GRIK4: variants seen among roughly 807,000 people sequenced by gnomAD.
GRIK4 encodes the protein glutamate ionotropic receptor kainate type subunit 4.
GRIK4 carries 40 observed loss-of-function variants against 104.9 expected under a neutral mutation model. The observed-to-expected ratio is 0.38, with a 90% CI of 0.30 to 0.50. The LOEUF is 0.50. GRIK4 is among the 20% of genes least tolerant of loss of function. GRIK4 has a pLI of 0.93. For missense variants in GRIK4, 1,047 were observed against 1,308.1 expected, an observed-to-expected ratio of 0.80 and a Z score of 3.08; for synonymous variants, 485 against 524.9, an observed-to-expected ratio of 0.92 and a Z score of 1.04.
intron 3 of GRIK4, among the ~76,000 whole-genome samples, chr11:120,757,209 G>A (rs1418769839): frequency 6.6e-6 from 1 of 152,198 alleles, no homozygotes; most frequent in African/African-American, 2.4e-5. Flanking sequence ...AGCCTCTAGG[G>A]AGATAAAAAT....
chr11:120,947,214 C>T (rs1943881222), intron 14 of GRIK4, among the ~76,000 whole-genome samples: 1 of 152,030 alleles, frequency 6.6e-6, no homozygotes, highest in African/African-American at 2.4e-5. Context: ...CCAGCCTGAC[C>T]AACATGGTGA....
chr11:120,630,897 G>A (rs1949325145), intron 1 of GRIK4, among the ~76,000 whole-genome samples: 1 of 152,162 alleles, frequency 6.6e-6, no homozygotes, highest in Non-Finnish European at 1.5e-5. Context: ...TCTGTAAAAT[G>A]AGAAAGTGTA....
At chr11:120,628,625 G>C (rs996741015) in intron 1 of GRIK4, among the ~76,000 whole-genome samples, 3 of 152,148 alleles carry the variant, frequency 2.0e-5, no homozygotes, top group Admixed American at 6.5e-5. Flanking sequence ...TGCCTCCCTG[G>C]GGTCCTGGCC....
At chr11:120,678,930 G>GT (rs1304737538) in intron 3 of GRIK4, among the ~76,000 whole-genome samples, 1 of 128,220 alleles carries the variant, frequency 7.8e-6, no homozygotes, top group African/African-American at 2.8e-5. Context: ...ACCACGCCTG[G>GT]CCTGGTTTTT....
chr11:120,587,871 TG>T (rs537440376), intron 1 of GRIK4, among the ~76,000 whole-genome samples: 3 of 152,272 alleles, frequency 2.0e-5, no homozygotes, highest in Admixed American at 2.0e-4. Context: ...AGCAGGGCCT[TG>T]TTGGACAAGG....
chr11:120,944,123 C>T (rs1260769117), intron 14 of GRIK4, among the ~76,000 whole-genome samples: 1 of 152,036 alleles, frequency 6.6e-6, no homozygotes, highest in Non-Finnish European at 1.5e-5. Context: ...TTTTTCCATC[C>T]TGCTTTTTAA....
rs193096450 is a variant in GRIK4 at position 120,827,067 on chromosome 11, T to C, written c.512-4785T>C. On this transcript the variant is annotated intron_variant, in intron 6 of 20. Coordinates refer to ENST00000527524, the MANE Select transcript of GRIK4 (RefSeq NM_014619.5). ...CAAAGATCAATCTTATATGAACTGC[T>C]TCCCACAAGGTTAAAAAGTGCTGGT... Among the ~76,000 whole-genome samples the C allele has an allele frequency of 1.8e-3, 268 of 152,332 alleles. 1 individual carries two copies. Among genetic ancestry groups the C allele is most frequent in the African/African-American group, 6.3e-3 (261 of 41,568 alleles).
intron 3 of GRIK4, among the ~76,000 whole-genome samples, chr11:120,710,108 G>A (rs1471881004): frequency 6.6e-6 from 1 of 152,138 alleles, no homozygotes; most frequent in African/African-American, 2.4e-5. Context: ...GAAACAAAAC[G>A]AAATGACTGA....
At chr11:120,906,607 C>G (rs17124527) in intron 13 of GRIK4, among the ~76,000 whole-genome samples, 2,793 of 152,218 alleles carry the variant, frequency 0.018, 92 homozygotes, top group African/African-American at 0.064. Context: ...ATCAAACAAA[C>G]TTGGAAATCA....
At position 120,753,309 on chromosome 11, in the gene GRIK4, G is replaced by GTT. The variant is rs1555055637; in HGVS notation, c.83-49383_83-49382insTT. 6.7e-5 allele frequency among the ~76,000 whole-genome samples: 7 copies of GTT among 104,274 alleles called. No homozygotes were observed. The East Asian group carries it at 1.6e-3, about 23-fold the overall frequency. The allele number at this position is 104,274 out of a possible 152,430, so 68.4% of individuals were successfully genotyped here. On this transcript the variant is annotated intron_variant, in intron 3 of 20. Transcript: ENST00000527524. Reference sequence around the variant, plus strand: ...AGACAACACAACTCTGTGTGTGTGTGTGTGTGTGTGTGTGTGTGTGTGTGT... The same window carrying GTT: ...AGACAACACAACTCTGTGTGTGTGTGTTTGTGTGTGTGTGTGTGTGTGTGTGT...
chr11:120,709,359 A>G (rs992374324), intron 3 of GRIK4, among the ~76,000 whole-genome samples: 1 of 151,906 alleles, frequency 6.6e-6, no homozygotes, highest in Non-Finnish European at 1.5e-5. Flanking sequence ...CATGTCGGAG[A>G]CATGAGGATA....
chr11:120,932,348 G>C (rs574263418), intron 13 of GRIK4, among the ~76,000 whole-genome samples: 36 of 152,098 alleles, frequency 2.4e-4, no homozygotes, highest in Non-Finnish European at 4.4e-4. Context: ...GAGGAAACAG[G>C]CGGGGAGGGG....
intron 1 of GRIK4, among the ~76,000 whole-genome samples, chr11:120,631,936 G>T (rs773219577): frequency 8.5e-5 from 13 of 152,160 alleles, no homozygotes; most frequent in Non-Finnish European, 1.5e-4. Flanking sequence ...GTGATCCCAG[G>T]TTTGAAGTCC....
intron 3 of GRIK4, among the ~76,000 whole-genome samples, chr11:120,763,243 A>G (rs1483669431): frequency 2.6e-5 from 4 of 152,088 alleles, no homozygotes; most frequent in Non-Finnish European, 4.4e-5. Flanking sequence ...AGAGGTGTTT[A>G]TAGTATTCTC....
At chr11:120,695,140 A>G (rs1373667705) in intron 3 of GRIK4, among the ~76,000 whole-genome samples, 1 of 152,160 alleles carries the variant, frequency 6.6e-6, no homozygotes, top group African/African-American at 2.4e-5. Context: ...CTCCTGCTGG[A>G]GGTCAGGGAG....
chr11:120,898,077 A>G (rs555994676), intron 11 of GRIK4, among the ~76,000 whole-genome samples: 6 of 152,298 alleles, frequency 3.9e-5, no homozygotes, highest in African/African-American at 1.4e-4. Context: ...TCATTCTTTC[A>G]GCCATCCAGC....
chr11:120,889,337 G>A (rs1180157402), intron 11 of GRIK4, among the ~76,000 whole-genome samples: 3 of 152,236 alleles, frequency 2.0e-5, no homozygotes, highest in African/African-American at 7.2e-5. Context: ...AACAATCTCA[G>A]TTTATTCCTG....
chr11:120,812,023 C>T (rs1248268990), intron 4 of GRIK4, among the ~76,000 whole-genome samples: 1 of 152,170 alleles, frequency 6.6e-6, no homozygotes, highest in East Asian at 1.9e-4. Context: ...TAATTTGCCC[C>T]ACCGTTTAAA....
chr11:120,525,479 C>T (rs918313627), intron 1 of GRIK4, among the ~76,000 whole-genome samples: 1 of 152,248 alleles, frequency 6.6e-6, no homozygotes, highest in East Asian at 1.9e-4. Flanking sequence ...TCATACTGGG[C>T]AGGGCGTGGA....
Sources: allele counts gnomAD v4.1 joint callset (sites outside exome capture counted in the v4.1 genomes callset), GRCh38; gene constraint gnomAD v4.1.1; transcripts MANE v1.5; gene names NCBI Gene and HGNC (gene_info 2026-07-23, HGNC 2026-07-21).